The following ARHGAP28 variants were observed in gnomAD, a reference collection of about 807,000 sequenced individuals.
ARHGAP28 encodes rho GTPase-activating protein 28.
ARHGAP28 carries 56 observed loss-of-function variants against 90.7 expected under a neutral mutation model. That is an observed-to-expected ratio of 0.62 (90% confidence interval 0.50 to 0.77). ARHGAP28 has a LOEUF of 0.77. Among genes scored for constraint, ARHGAP28 ranks in the 30% least tolerant of loss-of-function variants. The probability of loss-of-function intolerance (pLI) is 0.00; values close to 1 mark genes in which losing one functional copy is unlikely to be tolerated. For missense variants in ARHGAP28, 869 were observed against 900.9 expected (o/e 0.96, Z 0.45); for synonymous variants, 308 against 323.3 (o/e 0.95, Z 0.51).
At position 6,761,608 on chromosome 18, in the gene ARHGAP28, A is replaced by C. The variant is rs944440749; in HGVS notation, c.122+31665A>C. On this transcript the variant is annotated intron_variant, in intron 1 of 17. Transcript: ENST00000383472. ...TATAATCTGTTAACAGATGTGGATG[A>C]GGACCAAGGATCAGAATCAGGAAGG... Among the ~76,000 whole-genome samples the C allele has an allele frequency of 4.6e-5, 7 of 152,312 alleles. 2 individuals carry two copies.
Position 6,894,834 on chromosome 18 carries a change from G to A in ARHGAP28, c.1849-1G>A. Reference sequence around the variant, plus strand: ...ACTCCTAAAGACTGTGTTTCTTTTAGACTGCAAGCCCCAAGACTTCAAAGG... The same window carrying A: ...ACTCCTAAAGACTGTGTTTCTTTTAAACTGCAAGCCCCAAGACTTCAAAGG... On this transcript the variant is annotated splice_acceptor_variant, in intron 14 of 17. Transcript: ENST00000383472. LOFTEE classifies it high-confidence loss of function. 6.8e-6 allele frequency: 11 copies of A among 1,613,892 alleles called. No individual in the cohort carries two copies. Among genetic ancestry groups the A allele is most frequent in the Non-Finnish European group, 9.3e-6 (11 of 1,179,896 alleles).
intron 2 of ARHGAP28, among the ~76,000 whole-genome samples, chr18:6,835,195 C>G (rs1443010807): frequency 6.6e-6 from 1 of 152,140 alleles, no homozygotes; most frequent in African/African-American, 2.4e-5. Flanking sequence ...CTACCAAGTA[C>G]TCTTTCCTCC....
intron 1 of ARHGAP28, among the ~76,000 whole-genome samples, chr18:6,753,595 A>T (rs1487379054): frequency 1.3e-5 from 2 of 152,236 alleles, no homozygotes; most frequent in Admixed American, 1.3e-4. Context: ...TTTGAATTTG[A>T]TGTTTAAAGA....
intron 3 of ARHGAP28, among the ~76,000 whole-genome samples, chr18:6,841,208 C>CTCCT (rs1555631529): frequency 7.0e-5 from 3 of 43,134 alleles, no homozygotes; most frequent in African/African-American, 2.8e-4. Context: ...TCTCTCCTCT[C>CTCCT]CTCTCTCTCT....
chr18:6,792,274 G>T (rs2056412169), intron 1 of ARHGAP28, among the ~76,000 whole-genome samples: 2 of 152,156 alleles, frequency 1.3e-5, no homozygotes, highest in South Asian at 4.1e-4. Context: ...AAACTCATCA[G>T]GTCGTACATT....
At chr18:6,813,175 T>C (rs2056568406) in intron 1 of ARHGAP28, among the ~76,000 whole-genome samples, 1 of 152,236 alleles carries the variant, frequency 6.6e-6, no homozygotes, top group Non-Finnish European at 1.5e-5. Flanking sequence ...TCTTAGCTTC[T>C]TCTTTCTTGA....
chr18:6,735,148 T>C (rs1487290514), intron 1 of ARHGAP28, among the ~76,000 whole-genome samples: 1 of 152,218 alleles, frequency 6.6e-6, no homozygotes, highest in African/African-American at 2.4e-5. Flanking sequence ...GTCATAACTT[T>C]TAACTTTCTA....
intron 1 of ARHGAP28, among the ~76,000 whole-genome samples, chr18:6,784,849 C>A (rs867433898): frequency 6.6e-6 from 1 of 152,144 alleles, no homozygotes; most frequent in African/African-American, 2.4e-5. Flanking sequence ...TGATTATAAT[C>A]CCCTGTCCTC....
intron 3 of ARHGAP28, among the ~76,000 whole-genome samples, chr18:6,837,916 C>T (rs1310363145): frequency 2.6e-5 from 4 of 152,108 alleles, no homozygotes. Context: ...TTCAGAAAAG[C>T]ATAAGGGAAA....
intron 5 of ARHGAP28, among the ~76,000 whole-genome samples, chr18:6,863,111 T>C (rs2057011041): frequency 6.6e-6 from 1 of 152,102 alleles, no homozygotes; most frequent in African/African-American, 2.4e-5. Context: ...AAAATAATTA[T>C]TTATCTCATT....
intron 1 of ARHGAP28, among the ~76,000 whole-genome samples, chr18:6,812,063 A>G (rs1235450285): frequency 6.6e-6 from 1 of 152,188 alleles, no homozygotes; most frequent in Non-Finnish European, 1.5e-5. Context: ...GCCTTGCTCC[A>G]ATAGCCAAAC....
chr18:6,750,742 A>G (rs1224570506), intron 1 of ARHGAP28, among the ~76,000 whole-genome samples: 1 of 152,266 alleles, frequency 6.6e-6, no homozygotes, highest in South Asian at 2.1e-4. Flanking sequence ...CACCCTGATT[A>G]CCTTACCTAA....
chr18:6,745,053 G>A (rs1295035404), intron 1 of ARHGAP28, among the ~76,000 whole-genome samples: 1 of 151,746 alleles, frequency 6.6e-6, no homozygotes, highest in East Asian at 1.9e-4. Context: ...AAATTTAATA[G>A]AATTTAAATT....
At chr18:6,833,994 G>C (rs2056734109) in intron 2 of ARHGAP28, among the ~76,000 whole-genome samples, 1 of 152,066 alleles carries the variant, frequency 6.6e-6, no homozygotes, top group South Asian at 2.1e-4. Flanking sequence ...GCTGAAAGCT[G>C]TTTTTAACTA....
intron 1 of ARHGAP28, among the ~76,000 whole-genome samples, chr18:6,771,529 ATC>A (rs2056242936): frequency 6.6e-6 from 1 of 152,206 alleles, no homozygotes; most frequent in Admixed American, 6.5e-5. Context: ...GTTCCACATG[ATC>A]TTTTGAGATT....
intron 1 of ARHGAP28, among the ~76,000 whole-genome samples, chr18:6,748,262 C>T (rs903461719): frequency 4.6e-5 from 7 of 152,146 alleles, no homozygotes; most frequent in East Asian, 1.9e-4. Context: ...ATACCTATTC[C>T]GGGAAACTTT....
intron 1 of ARHGAP28, among the ~76,000 whole-genome samples, chr18:6,773,751 T>C (rs1379478805): frequency 1.3e-5 from 2 of 152,358 alleles, no homozygotes; most frequent in East Asian, 3.9e-4. Context: ...ACAACAGTTA[T>C]GGTTTTTGCT....
At chr18:6,796,814 T>G (rs1345344161) in intron 1 of ARHGAP28, among the ~76,000 whole-genome samples, 1 of 145,544 alleles carries the variant, frequency 6.9e-6, no homozygotes, top group African/African-American at 2.7e-5. Flanking sequence ...TTTCTCCTTT[T>G]TGTGTGTACA....
At chr18:6,832,267 T>C (rs989745423) in intron 2 of ARHGAP28, among the ~76,000 whole-genome samples, 1 of 152,078 alleles carries the variant, frequency 6.6e-6, no homozygotes, top group Admixed American at 6.5e-5. Context: ...AATTGTGTTA[T>C]GTAACATAGT....
Sources: gnomAD v4.1 joint callset for allele counts (sites outside exome capture counted in the v4.1 genomes callset) on GRCh38, gnomAD v4.1.1 for gene constraint, MANE v1.5 for transcripts, NCBI Gene and HGNC (gene_info 2026-07-23, HGNC 2026-07-21) for gene names.